Variants in SPAG16 observed in about 807,000 individuals in gnomAD.
SPAG16 encodes the protein sperm associated antigen 16.
SPAG16 carries 86 observed loss-of-function variants against 80.4 expected under a neutral mutation model. That is an observed-to-expected ratio of 1.07 (90% confidence interval 0.90 to 1.28). The LOEUF (loss-of-function observed/expected upper bound fraction) is 1.28, where lower values mean the gene tolerates loss of function less well. Among genes scored for constraint, SPAG16 ranks in the 50% most tolerant of loss-of-function variants. The pLI, the probability that SPAG16 is intolerant of heterozygous loss-of-function variation, is 0.00. For synonymous variants in SPAG16, 294 were observed against 265.9 expected (o/e 1.11, Z -1.03); for missense variants, 870 against 765.3 (o/e 1.14, Z -1.61).
intron 15 of SPAG16, among the ~76,000 whole-genome samples, chr2:214,212,939 G>A (rs545510644): frequency 1.9e-4 from 29 of 152,322 alleles, no homozygotes; most frequent in African/African-American, 5.5e-4. Context: ...TCACCTGCCC[G>A]TTAACCTCTG....
At chr2:213,923,104 C>A (rs1381680655) in intron 11 of SPAG16, among the ~76,000 whole-genome samples, 2 of 152,096 alleles carry the variant, frequency 1.3e-5, no homozygotes, top group Admixed American at 1.3e-4. Flanking sequence ...CAGGAGCCTG[C>A]CTGCACCCCT....
chr2:213,908,104 A>G (rs1559574860), intron 11 of SPAG16, among the ~76,000 whole-genome samples: 1 of 152,220 alleles, frequency 6.6e-6, no homozygotes, highest in Non-Finnish European at 1.5e-5. Flanking sequence ...TATATATTGC[A>G]GTATCACTCT....
At chr2:214,169,847 C>A (rs1436745553) in intron 15 of SPAG16, among the ~76,000 whole-genome samples, 1 of 151,802 alleles carries the variant, frequency 6.6e-6, no homozygotes, top group Non-Finnish European at 1.5e-5. Flanking sequence ...AGTTAATTAT[C>A]CTGGGGATAA....
At chr2:214,122,213 AG>A (rs2054254298) in intron 14 of SPAG16, among the ~76,000 whole-genome samples, 1 of 151,890 alleles carries the variant, frequency 6.6e-6, no homozygotes, top group Admixed American at 6.6e-5. Context: ...ATCCTAAAAA[AG>A]AATGTGTAAC....
At chr2:213,292,119 C>T (rs1431313465) in intron 1 of SPAG16, among the ~76,000 whole-genome samples, 1 of 152,178 alleles carries the variant, frequency 6.6e-6, no homozygotes, top group Non-Finnish European at 1.5e-5. Context: ...ACATCTTCCT[C>T]ATATAATCTT....
chr2:213,859,207 AAAAAAAAAAC>A (rs1192085433), intron 10 of SPAG16, among the ~76,000 whole-genome samples: 1,799 of 121,304 alleles, frequency 0.015, 183 homozygotes, highest in Non-Finnish European at 0.024. Flanking sequence ...AAAAAAAAAA[AAAAAAAAAAC>A]TCAATGTCCT....
rs905186092 is a variant in SPAG16 at position 213,925,813 on chromosome 2, A to G, written c.1215-4147A>G. On this transcript the variant is annotated intron_variant, in intron 11 of 15. Coordinates refer to ENST00000331683, the MANE Select transcript of SPAG16 (RefSeq NM_024532.5). ...TTATGAGTCATAGTGAAGATCAAAT[A>G]TATATAAAGAGCTTATTAGTGTTTC... is the stretch of plus-strand genomic sequence containing the variant. 3.9e-5 allele frequency among the ~76,000 whole-genome samples: 6 copies of G among 152,360 alleles called. No homozygotes were observed. In the East Asian group the frequency reaches 1.2e-3, roughly 29 times the overall value.
At chr2:213,558,992 A>C (rs1422028045) in intron 10 of SPAG16, among the ~76,000 whole-genome samples, 1 of 152,142 alleles carries the variant, frequency 6.6e-6, no homozygotes, top group African/African-American at 2.4e-5. Flanking sequence ...ATAATGGCAT[A>C]ATTACATGAA....
At chr2:213,499,583 C>G (rs979996368) in intron 10 of SPAG16, among the ~76,000 whole-genome samples, 2 of 152,176 alleles carry the variant, frequency 1.3e-5, no homozygotes, top group Non-Finnish European at 2.9e-5. Flanking sequence ...CTGTCACCCT[C>G]TCTTTTAAAA....
At chr2:213,553,655 C>T (rs374909275) in intron 10 of SPAG16, among the ~76,000 whole-genome samples, 9 of 152,174 alleles carry the variant, frequency 5.9e-5, no homozygotes, top group East Asian at 1.9e-4. Flanking sequence ...GGCTACTTCA[C>T]GAGTGACCAT....
At chr2:213,790,420 A>G (rs2070620261) in intron 10 of SPAG16, among the ~76,000 whole-genome samples, 1 of 151,994 alleles carries the variant, frequency 6.6e-6, no homozygotes, top group Admixed American at 6.6e-5. Flanking sequence ...AATGTTCTCC[A>G]TAACTCAGAC....
intron 13 of SPAG16, among the ~76,000 whole-genome samples, chr2:214,034,810 A>C (rs954633718): frequency 1.3e-5 from 2 of 152,166 alleles, no homozygotes; most frequent in East Asian, 3.9e-4. Flanking sequence ...GGCTCCCCTA[A>C]GGGCTGCAGA....
At chr2:213,314,953 T>TG (rs920864589) in intron 4 of SPAG16, among the ~76,000 whole-genome samples, 7 of 151,852 alleles carry the variant, frequency 4.6e-5, no homozygotes, top group South Asian at 2.1e-4. Context: ...GGATATTCTA[T>TG]GGGGGGGTCC....
rs768817785 is a variant in SPAG16, at chr2:213,296,063, G to T, written c.137-1G>T. On this transcript the variant is annotated splice_acceptor_variant, in intron 1 of 15. Coordinates refer to ENST00000331683, the MANE Select transcript of SPAG16 (RefSeq NM_024532.5). LOFTEE classifies it high-confidence loss of function. Reference sequence around the variant, plus strand: ...AGATTAAAACTTGACAAGATATTCAGAGGTCACCATAACTGAAGCATCTGA... The same window carrying T: ...AGATTAAAACTTGACAAGATATTCATAGGTCACCATAACTGAAGCATCTGA... 2.5e-6 allele frequency: 4 copies of T among 1,609,272 alleles called. No individual in the cohort carries two copies. In the South Asian group the frequency reaches 4.4e-5, roughly 18 times the overall value.
At chr2:213,813,800 C>G (rs538062191) in intron 10 of SPAG16, among the ~76,000 whole-genome samples, 1 of 152,238 alleles carries the variant, frequency 6.6e-6, no homozygotes, top group Non-Finnish European at 1.5e-5. Context: ...ACAAAAAACA[C>G]AAACTCTCTC....
chr2:214,373,204 G>C (rs528249437), intron 15 of SPAG16, among the ~76,000 whole-genome samples: 1 of 152,236 alleles, frequency 6.6e-6, no homozygotes, highest in South Asian at 2.1e-4. Context: ...TGAGGAATTT[G>C]TTTGGGCAAT....
At chr2:214,005,326 C>T (rs779939167) in intron 12 of SPAG16, among the ~76,000 whole-genome samples, 14 of 152,126 alleles carry the variant, frequency 9.2e-5, no homozygotes, top group Non-Finnish European at 1.6e-4. Flanking sequence ...TTTATTTGTT[C>T]ACCTTTTGCT....
At chr2:213,396,297 G>C (rs1003336556) in intron 9 of SPAG16, among the ~76,000 whole-genome samples, 1 of 151,806 alleles carries the variant, frequency 6.6e-6, no homozygotes, top group Non-Finnish European at 1.5e-5. Flanking sequence ...GCATCTTTTC[G>C]ATATTGAATC....
intron 10 of SPAG16, among the ~76,000 whole-genome samples, chr2:213,756,483 A>C (rs1319299602): frequency 6.6e-6 from 1 of 152,204 alleles, no homozygotes; most frequent in African/African-American, 2.4e-5. Context: ...ACAGAAAATA[A>C]AAATCTATGC....
Sources: gnomAD v4.1 joint callset for allele counts (sites outside exome capture counted in the v4.1 genomes callset) on GRCh38, gnomAD v4.1.1 for gene constraint, MANE v1.5 for transcripts, NCBI Gene and HGNC (gene_info 2026-07-23, HGNC 2026-07-21) for gene names.